ARHGEF38: variants seen among roughly 807,000 people sequenced by gnomAD.
ARHGEF38 encodes the protein Rho guanine nucleotide exchange factor 38.
In ARHGEF38, 79 loss-of-function variants were observed where a neutral mutation model predicts 79.9. The observed-to-expected ratio is 0.99, with a 90% confidence interval of 0.82 to 1.19. The LOEUF (loss-of-function observed/expected upper bound fraction) is 1.19. Among genes scored for constraint, ARHGEF38 ranks in the 50% most tolerant of loss-of-function variants. The pLI is 0.00. For missense variants in ARHGEF38, 962 were observed against 907.2 expected (o/e 1.06, Z -0.78); for synonymous variants, 366 against 328.3 (o/e 1.11, Z -1.24).
intron 10 of ARHGEF38, among the ~76,000 whole-genome samples, chr4:105,660,452 G>C (rs148216288): frequency 1.3e-4 from 17 of 133,070 alleles, no homozygotes; most frequent in South Asian, 2.3e-4. Context: ...TTTTTTTGGT[G>C]GGGGGGGATG....
In ARHGEF38 at chr4:105,577,739, A is replaced by G. The variant is rs2110434355; in HGVS notation, c.197-11509A>G. Among the ~76,000 whole-genome samples the G allele has an allele frequency of 2.0e-5, 3 of 152,240 alleles. No individual in the cohort carries two copies. In the South Asian group the frequency reaches 6.2e-4, roughly 32 times the overall value. On this transcript the variant is annotated intron_variant, in intron 1 of 13. Transcript: ENST00000420470. ...CTAGAAATGTTCACAGTACTCTCAA[A>G]TGATCATTTTTTATTTCTGTGGTGT... is the stretch of plus-strand genomic sequence containing the variant.
chr4:105,554,485 C>T (rs1367847403), intron 1 of ARHGEF38, among the ~76,000 whole-genome samples: 1 of 152,126 alleles, frequency 6.6e-6, no homozygotes, highest in Non-Finnish European at 1.5e-5. Context: ...CATTAATTTG[C>T]TTAGGATAAT....
intron 3 of ARHGEF38, among the ~76,000 whole-genome samples, chr4:105,620,202 G>A (rs1728682838): frequency 6.6e-6 from 1 of 152,178 alleles, no homozygotes; most frequent in South Asian, 2.1e-4. Context: ...CTTTATAGAT[G>A]GGAGTATGAA....
chr4:105,572,800 T>A (rs1286085364), intron 1 of ARHGEF38, among the ~76,000 whole-genome samples: 1 of 152,208 alleles, frequency 6.6e-6, no homozygotes, highest in Non-Finnish European at 1.5e-5. Context: ...AATGGATACT[T>A]GGGTTGCTTC....
chr4:105,679,511 A>G lies in ARHGEF38; in HGVS notation c.*1574A>G. 7.1e-7 allele frequency: 1 copy of G among 1,417,924 alleles called. No individual in the cohort carries two copies. The highest frequency in any genetic ancestry group is 1.0e-6 in the Non-Finnish European group (1 of 1,003,910). The allele number at this position is 1,417,924 out of a possible 1,614,324, so 87.8% of individuals were successfully genotyped here. On this transcript the variant is annotated 3_prime_UTR_variant, in exon 14 of 14. Transcript: ENST00000420470. Reference sequence around the variant, plus strand: ...CAGAGTTGATTAAAGATCATGGTTCAAAGCTTGATACACCAGAAATGTGGG... The same window carrying G: ...CAGAGTTGATTAAAGATCATGGTTCGAAGCTTGATACACCAGAAATGTGGG...
rs542874556 is a variant in ARHGEF38, at chr4:105,637,678, T to C, written c.674+1258T>C. 1.4e-4 allele frequency among the ~76,000 whole-genome samples: 22 copies of C among 152,240 alleles called. 1 individual carries two copies. In the South Asian group the frequency reaches 4.6e-3, roughly 32 times the overall value. On this transcript the variant is annotated intron_variant, in intron 5 of 13. Transcript: ENST00000420470. ...GAACTTCATGTGCTACAAATTCTGC[T>C]TAGGTTTCCTTTTCTAAAGCTTGCA...
At chr4:105,600,972 A>G (rs1422186237) in intron 2 of ARHGEF38, among the ~76,000 whole-genome samples, 1 of 152,118 alleles carries the variant, frequency 6.6e-6, no homozygotes, top group Non-Finnish European at 1.5e-5. Flanking sequence ...ACCTATCAAT[A>G]ACCTCCTGGA....
chr4:105,563,428 T>C (rs1159470028), intron 1 of ARHGEF38: 1 of 152,238 alleles, frequency 6.6e-6, no homozygotes, highest in African/African-American at 2.4e-5. Context: ...AAACACCAAC[T>C]GAACATCTGT....
intron 1 of ARHGEF38, chr4:105,561,441 AATAGAATGGAATAGAAT>A (rs1725559110): frequency 4.5e-5 from 3 of 66,664 alleles, no homozygotes; most frequent in African/African-American, 7.1e-5. Flanking sequence ...AATAGAATAG[AATAGAATGGAATAGAAT>A]AGAATAGAAT....
intron 1 of ARHGEF38, among the ~76,000 whole-genome samples, chr4:105,568,746 G>A (rs781639739): frequency 1.3e-4 from 20 of 152,314 alleles, no homozygotes; most frequent in South Asian, 2.1e-4. Flanking sequence ...ATCAAATGGT[G>A]TATGTGTGCC....
intron 1 of ARHGEF38, among the ~76,000 whole-genome samples, chr4:105,582,164 CAAAAAAA>C (rs33936132): frequency 8.5e-6 from 1 of 118,284 alleles, no homozygotes; most frequent in South Asian, 3.0e-4. Flanking sequence ...GACTCCGTCT[CAAAAAAA>C]AAAAAAAAAA....
intron 9 of ARHGEF38, among the ~76,000 whole-genome samples, chr4:105,658,177 G>A (rs1006265171): frequency 2.6e-5 from 4 of 152,170 alleles, no homozygotes; most frequent in Admixed American, 1.3e-4. Flanking sequence ...GTAGGCCAAG[G>A]TGAGAGGATT....
At chr4:105,554,729 T>C (rs748647305) in intron 1 of ARHGEF38, among the ~76,000 whole-genome samples, 1 of 139,946 alleles carries the variant, frequency 7.1e-6, no homozygotes, top group Non-Finnish European at 1.5e-5. Context: ...CACATAGTGT[T>C]GTTGGGAGAT....
chr4:105,613,329 A>C, intron 2 of ARHGEF38, 55 bp from the exon 3 acceptor site: 2 of 1,572,774 alleles, frequency 1.3e-6, no homozygotes, highest in Non-Finnish European at 8.7e-7. Flanking sequence ...TTAGGAGGAG[A>C]AAACATCCTA....
rs555454618 is a variant in ARHGEF38, at chr4:105,558,658, G to A, written c.196+5697G>A. Among the ~76,000 whole-genome samples, 31 of 134,388 alleles carry A rather than the reference G, an allele frequency of 2.3e-4. No homozygotes were observed. In the South Asian group the frequency reaches 7.8e-3, roughly 34 times the overall value. The allele number at this position is 134,388 out of a possible 152,430, so 88.2% of individuals were successfully genotyped here. ...AGAGACATCTTGCAGTTTTTAGAAG[G>A]ACCATTTGTGTCAAATAATGTGTGA... On this transcript the variant is annotated intron_variant, in intron 1 of 13. Coordinates refer to ENST00000420470, the MANE Select transcript of ARHGEF38 (RefSeq NM_001242729.2).
intron 2 of ARHGEF38, among the ~76,000 whole-genome samples, chr4:105,591,259 CGCTCTGTCACCCAG>C (rs1295549450): frequency 1.3e-5 from 2 of 152,076 alleles, no homozygotes; most frequent in Non-Finnish European, 2.9e-5. Context: ...GACAGAGTCT[CGCTCTGTCACCCAG>C]GCTGGAGTGC....
At position 105,648,548 on chromosome 4, in the gene ARHGEF38, G is replaced by A. The variant is rs749492846; in HGVS notation, c.875-1G>A. On this transcript the variant is annotated splice_acceptor_variant, in intron 6 of 13. Coordinates refer to ENST00000420470, the MANE Select transcript of ARHGEF38 (RefSeq NM_001242729.2). LOFTEE classifies it high-confidence loss of function. ...TACGTTATTACATTCTTCCTTTTCAGTTCTAAAATACAAGAAGAATGACGA... is the reference window on the plus strand; with the variant it reads ...TACGTTATTACATTCTTCCTTTTCAATTCTAAAATACAAGAAGAATGACGA... 6.0e-6 allele frequency: 9 copies of A among 1,505,794 alleles called. No individual in the cohort carries two copies. The highest frequency in any genetic ancestry group is 7.9e-6 in the Non-Finnish European group (9 of 1,134,146). The allele number at this position is 1,505,794 out of a possible 1,614,324, so 93.3% of individuals were successfully genotyped here. A position where few individuals can be genotyped will look rare whatever the true frequency, so the allele number is the denominator to read the frequency against.
At chr4:105,604,071 G>A (rs1178538328) in intron 2 of ARHGEF38, among the ~76,000 whole-genome samples, 1 of 152,120 alleles carries the variant, frequency 6.6e-6, no homozygotes. Flanking sequence ...TATGGGCCAT[G>A]AAATCAAACA....
chr4:105,667,701 C>T lies in ARHGEF38; in HGVS notation c.2146C>T (p.Gln716Ter). 6.5e-7 allele frequency: 1 copy of T among 1,536,064 alleles called. No homozygotes were observed. The highest frequency in any genetic ancestry group is 8.7e-7 in the Non-Finnish European group (1 of 1,146,900). Residue 716 changes from glutamine (Q) to a stop codon, truncating the protein, a stop_gained and splice_region_variant, in exon 13 of 14, where the codon CAG becomes TAG. Transcript: ENST00000420470. LOFTEE classifies it high-confidence loss of function. ...DVDSFQEVDE[Q>*]IFYAVHAFQA... ...TGACAGTTTTCAAGAAGTAGACGAA[C>T]AGGTAAAAATTTGATGTAAAAATAT...
Sources: gnomAD v4.1 joint callset for allele counts (sites outside exome capture counted in the v4.1 genomes callset) on GRCh38, gnomAD v4.1.1 for gene constraint, MANE v1.5 for transcripts, NCBI Gene and HGNC (gene_info 2026-07-23, HGNC 2026-07-21) for gene names.